Variants in SLC35F1 observed in about 807,000 individuals in gnomAD.
SLC35F1 encodes the protein solute carrier family 35 member F1, also known as chromosome 6 open reading frame 169.
In SLC35F1, 14 loss-of-function variants were observed where a neutral mutation model predicts 48.7. That is an observed-to-expected ratio of 0.29 (90% CI 0.19 to 0.45). The LOEUF is 0.45. SLC35F1 is among the 20% of genes least tolerant of loss of function. SLC35F1 has a pLI of 1.00. For synonymous variants in SLC35F1, 190 were observed against 202.2 expected (o/e 0.94, Z 0.51); for missense variants, 404 against 500.0 (o/e 0.81, Z 1.83).
At chr6:118,071,168 A>AAT (rs1308470555) in intron 1 of SLC35F1, among the ~76,000 whole-genome samples, 6 of 142,984 alleles carry the variant, frequency 4.2e-5, no homozygotes, top group South Asian at 2.1e-4. Flanking sequence ...ACACACATAG[A>AAT]ATATATATAC....
At chr6:118,266,128 T>A (rs1047253795) in intron 3 of SLC35F1, among the ~76,000 whole-genome samples, 1 of 152,198 alleles carries the variant, frequency 6.6e-6, no homozygotes, top group Non-Finnish European at 1.5e-5. Flanking sequence ...TTGAGGCTCC[T>A]GAGCTTGTGA....
chr6:118,211,382 C>T (rs540931636), intron 2 of SLC35F1, among the ~76,000 whole-genome samples: 21 of 152,252 alleles, frequency 1.4e-4, no homozygotes, highest in Non-Finnish European at 2.9e-4. Context: ...TAAGGTCTTA[C>T]GCAAAAAACC....
intron 2 of SLC35F1, among the ~76,000 whole-genome samples, chr6:118,180,369 A>G (rs1479846158): frequency 1.3e-5 from 2 of 152,140 alleles, no homozygotes; most frequent in African/African-American, 4.8e-5. Context: ...CAGCGTAACA[A>G]TAAGCTACAG....
chr6:117,951,088 T>A (rs1203633390), intron 1 of SLC35F1, among the ~76,000 whole-genome samples: 1 of 152,190 alleles, frequency 6.6e-6, no homozygotes, highest in Admixed American at 6.5e-5. Context: ...CTTCATAAGT[T>A]TTCATATAAT....
intron 1 of SLC35F1, among the ~76,000 whole-genome samples, chr6:118,072,572 A>G (rs1772750438): frequency 6.7e-6 from 1 of 150,026 alleles, no homozygotes; most frequent in Non-Finnish European, 1.5e-5. Flanking sequence ...TCAAAAAAAG[A>G]AAAAAAAAAT....
chr6:118,266,854 C>A, intron 3 of SLC35F1, 141 bp from the exon 4 acceptor site: 1 of 795,268 alleles, frequency 1.3e-6, no homozygotes, highest in South Asian at 1.8e-5. Flanking sequence ...GTTTTAAGTA[C>A]ATCAAGTCTG....
intron 1 of SLC35F1, among the ~76,000 whole-genome samples, chr6:118,054,707 G>A (rs1052120059): frequency 2.6e-5 from 4 of 152,154 alleles, no homozygotes; most frequent in African/African-American, 9.7e-5. Context: ...TTAACATGCT[G>A]AAGGCTCTGT....
At chr6:118,149,817 C>G (rs1774029044) in intron 1 of SLC35F1, among the ~76,000 whole-genome samples, 1 of 152,172 alleles carries the variant, frequency 6.6e-6, no homozygotes, top group South Asian at 2.1e-4. Flanking sequence ...GTATTGACCT[C>G]TTGTTGAAAG....
chr6:117,991,174 A>G (rs1776915431), intron 1 of SLC35F1, among the ~76,000 whole-genome samples: 1 of 152,236 alleles, frequency 6.6e-6, no homozygotes, highest in South Asian at 2.1e-4. Context: ...TTTGTATTTC[A>G]TAATGAAAAC....
intron 1 of SLC35F1, among the ~76,000 whole-genome samples, chr6:117,929,470 T>TGTGTGC (rs1425034966): frequency 6.6e-6 from 1 of 151,568 alleles, no homozygotes; most frequent in Non-Finnish European, 1.5e-5. Flanking sequence ...TGTGTGTGTG[T>TGTGTGC]GTGTGTGTGT....
At chr6:118,118,687 G>C (rs1473203356) in intron 1 of SLC35F1, among the ~76,000 whole-genome samples, 5 of 152,034 alleles carry the variant, frequency 3.3e-5, no homozygotes, top group Non-Finnish European at 2.9e-5. Flanking sequence ...AGGAGTTGCT[G>C]AGTTCTCATG....
At chr6:118,293,659 C>T (rs1776150817) in intron 7 of SLC35F1, among the ~76,000 whole-genome samples, 1 of 152,178 alleles carries the variant, frequency 6.6e-6, no homozygotes, top group African/African-American at 2.4e-5. Flanking sequence ...TGACTAGAAG[C>T]CAGGCCAGCT....
At chr6:117,917,024 A>C (rs1049277180) in intron 1 of SLC35F1, among the ~76,000 whole-genome samples, 2 of 152,224 alleles carry the variant, frequency 1.3e-5, no homozygotes, top group Non-Finnish European at 2.9e-5. Context: ...AACAGTGGCA[A>C]ATAATATGCA....
chr6:118,115,192 G>A (rs767903166), intron 1 of SLC35F1, among the ~76,000 whole-genome samples: 2 of 152,252 alleles, frequency 1.3e-5, no homozygotes, highest in African/African-American at 4.8e-5. Context: ...ACTGATTCAT[G>A]CTTGGTGCAT....
At chr6:118,041,585 G>C (rs565356020) in intron 1 of SLC35F1, among the ~76,000 whole-genome samples, 1 of 152,298 alleles carries the variant, frequency 6.6e-6, no homozygotes, top group South Asian at 2.1e-4. Context: ...ACATCAAAAT[G>C]CAATGTTTGG....
intron 1 of SLC35F1, among the ~76,000 whole-genome samples, chr6:118,122,849 C>T (rs1773572314): frequency 1.3e-5 from 2 of 152,146 alleles, no homozygotes; most frequent in African/African-American, 4.8e-5. Context: ...CTAATAGAGG[C>T]CCAGTGATGA....
At chr6:117,999,498 C>G (rs1484403956) in intron 1 of SLC35F1, 3 of 1,362,570 alleles carry the variant, frequency 2.2e-6, no homozygotes, top group Middle Eastern at 2.7e-4. Context: ...CCCCCACCCC[C>G]ACCCCTGGGC....
chr6:117,950,794 A>T (rs1020094494), intron 1 of SLC35F1, among the ~76,000 whole-genome samples: 4 of 152,222 alleles, frequency 2.6e-5, no homozygotes, highest in Admixed American at 2.0e-4. Context: ...TAATTTGAAA[A>T]TGTGCAGTGT....
intron 1 of SLC35F1, among the ~76,000 whole-genome samples, chr6:118,011,659 C>A (rs1381051333): frequency 1.3e-5 from 2 of 152,188 alleles, no homozygotes; most frequent in Non-Finnish European, 2.9e-5. Context: ...TGCTGCTAAT[C>A]TGACGGGAGG....
Sources: gnomAD v4.1 joint callset for allele counts (sites outside exome capture counted in the v4.1 genomes callset) on GRCh38, gnomAD v4.1.1 for gene constraint, MANE v1.5 for transcripts, NCBI Gene and HGNC (gene_info 2026-07-23, HGNC 2026-07-21) for gene names.